The following TSHZ1 variants were observed in gnomAD, a reference collection of about 807,000 sequenced individuals.
TSHZ1 encodes teashirt homolog 1.
In TSHZ1, 12 loss-of-function variants were observed where a neutral mutation model predicts 67.1. The ratio of observed to expected loss-of-function variants is 0.18; its 90% CI spans 0.11 to 0.29. The LOEUF (loss-of-function observed/expected upper bound fraction) is 0.29, where lower values mean the gene tolerates loss of function less well. TSHZ1 is among the 10% of genes least tolerant of loss of function. TSHZ1 has a pLI of 1.00. For missense variants in TSHZ1, 1,305 were observed against 1,413.9 expected, an observed-to-expected ratio of 0.92 and a Z score of 1.23; for synonymous variants, 632 against 622.4, an observed-to-expected ratio of 1.02 and a Z score of -0.23.
chr18:75,259,751 AT>A (rs766637026), intron 1 of TSHZ1, among the ~76,000 whole-genome samples: 1 of 152,226 alleles, frequency 6.6e-6, no homozygotes, highest in Non-Finnish European at 1.5e-5. Flanking sequence ...TGTATAATGT[AT>A]CCCCTGCAAC....
At chr18:75,222,225 C>CTT (rs11365940) in intron 1 of TSHZ1, among the ~76,000 whole-genome samples, 1 of 139,028 alleles carries the variant, frequency 7.2e-6, no homozygotes. Flanking sequence ...AGTTGCCTGA[C>CTT]TTTTTTTTTT....
intron 1 of TSHZ1, among the ~76,000 whole-genome samples, chr18:75,255,672 G>A (rs1330023025): frequency 6.6e-6 from 1 of 152,124 alleles, no homozygotes; most frequent in African/African-American, 2.4e-5. Context: ...ATTGAAGTCC[G>A]GGTTTGAAGA....
At chr18:75,216,661 GGCT>G (rs1262957556) in intron 1 of TSHZ1, among the ~76,000 whole-genome samples, 1 of 152,242 alleles carries the variant, frequency 6.6e-6, no homozygotes, top group Non-Finnish European at 1.5e-5. Flanking sequence ...GTCGTTGGAT[GGCT>G]GCATATGGGT....
chr18:75,241,388 G>A (rs1599035558), intron 1 of TSHZ1, among the ~76,000 whole-genome samples: 2 of 152,182 alleles, frequency 1.3e-5, no homozygotes, highest in Admixed American at 1.3e-4. Flanking sequence ...CTGGGGCCTG[G>A]CTCTCCTGTG....
chr18:75,279,992 A>G (rs1269142643), intron 1 of TSHZ1, among the ~76,000 whole-genome samples: 1 of 152,272 alleles, frequency 6.6e-6, no homozygotes, highest in Non-Finnish European at 1.5e-5. Flanking sequence ...ATTCAATGAT[A>G]AATAACTTGT....
rs997246857 is a variant in TSHZ1 at position 75,210,992 on chromosome 18, T to G, written c.-885T>G. 4.6e-5 allele frequency: 5 copies of G among 108,528 alleles called. No homozygotes were observed. The highest frequency in any genetic ancestry group is 4.6e-4 in the Admixed American group (5 of 10,856). 6.7% of individuals were successfully genotyped at this position (108,528 alleles called of 1,614,324 possible). A position where few individuals can be genotyped will look rare whatever the true frequency, so the allele number is the denominator to read the frequency against. On this transcript the variant is annotated 5_prime_UTR_variant, in exon 1 of 2. Transcript: ENST00000580243. ...ACTCTCCGGGTTGTTGTTGCCTTTTTTTTTTCTTGGAGGGGGGGGTGCTTT... is the reference window on the plus strand; with the variant it reads ...ACTCTCCGGGTTGTTGTTGCCTTTTGTTTTTCTTGGAGGGGGGGGTGCTTT...
At chr18:75,279,308 ATAG>A (rs1161068080) in intron 1 of TSHZ1, among the ~76,000 whole-genome samples, 1 of 152,236 alleles carries the variant, frequency 6.6e-6, no homozygotes. Context: ...CTAAAAGAAC[ATAG>A]TAGAATAGTA....
chr18:75,279,576 G>T (rs1442897073), intron 1 of TSHZ1, among the ~76,000 whole-genome samples: 2 of 152,176 alleles, frequency 1.3e-5, no homozygotes, highest in Middle Eastern at 3.2e-3. Flanking sequence ...GGAGCAGGAG[G>T]ACGGTGGGAG....
intron 1 of TSHZ1, among the ~76,000 whole-genome samples, chr18:75,247,040 A>G (rs997593585): frequency 6.6e-6 from 1 of 152,190 alleles, no homozygotes; most frequent in Non-Finnish European, 1.5e-5. Flanking sequence ...TTTCTGAATA[A>G]TCTTTTTGCT....
Position 75,285,592 on chromosome 18 carries a change from C to A in TSHZ1, c.185C>A (p.Ser62Tyr). 1 of 1,608,374 alleles carries A rather than the reference C, an allele frequency of 6.2e-7. No homozygotes were observed. Among genetic ancestry groups the A allele is most frequent in the Non-Finnish European group, 8.5e-7 (1 of 1,175,766 alleles). The change falls in exon 2 of 2, where the codon TCC becomes TAC. Residue 62 changes from serine (S) to tyrosine (Y), a missense_variant. Physicochemically the swap from Ser to Tyr is moderately radical, Grantham distance 144. Around this residue, in one of 3 missense-constraint regions of TSHZ1, gnomAD observed 358 missense variants for 375.6 expected, o/e 0.95. Coordinates refer to ENST00000580243, the MANE Select transcript of TSHZ1 (RefSeq NM_001308210.2). Reference protein sequence around the residue: ...EIKEAQSYQNSPVSSATNQDA... With the variant: ...EIKEAQSYQNYPVSSATNQDA... Reference sequence around the variant, plus strand: ...AAAGAGGCGCAGAGCTACCAGAACTCCCCAGTCAGCTCTGCGACTAACCAG... The same window carrying A: ...AAAGAGGCGCAGAGCTACCAGAACTACCCAGTCAGCTCTGCGACTAACCAG...
intron 1 of TSHZ1, among the ~76,000 whole-genome samples, chr18:75,274,383 G>C (rs1322611328): frequency 6.6e-6 from 1 of 152,074 alleles, no homozygotes; most frequent in African/African-American, 2.4e-5. Flanking sequence ...CAACGGTGAG[G>C]GTGTAGTGGA....
At chr18:75,242,311 A>G (rs1229770810) in intron 1 of TSHZ1, among the ~76,000 whole-genome samples, 1 of 152,236 alleles carries the variant, frequency 6.6e-6, no homozygotes. Flanking sequence ...TGCTGGCCCC[A>G]CAGTGACACA....
Position 75,238,911 on chromosome 18 carries a change from G to A in TSHZ1, c.40+26995G>A, listed in dbSNP as rs560234429. Among the ~76,000 whole-genome samples the A allele has an allele frequency of 4.6e-5, 7 of 152,332 alleles. No individual in the cohort carries two copies. In the South Asian group the frequency reaches 6.2e-4, roughly 14 times the overall value. On this transcript the variant is annotated intron_variant, in intron 1 of 1. Coordinates refer to ENST00000580243, the MANE Select transcript of TSHZ1 (RefSeq NM_001308210.2). The stretch of plus-strand genomic sequence containing the variant: ...TTCAGTCATTCCTTTAGCCTGGGTC[G>A]TGGGAAGTGGTTGTTTATTCCTGAT...
chr18:75,224,211 T>C (rs2022889235), intron 1 of TSHZ1, among the ~76,000 whole-genome samples: 1 of 152,142 alleles, frequency 6.6e-6, no homozygotes. Flanking sequence ...TTGTGCATTA[T>C]TAAAAGAGAC....
chr18:75,236,794 C>G (rs924276453), intron 1 of TSHZ1, among the ~76,000 whole-genome samples: 1 of 151,982 alleles, frequency 6.6e-6, no homozygotes, highest in Admixed American at 6.6e-5. Flanking sequence ...TCTTATTATT[C>G]TCTTCATTTA....
intron 1 of TSHZ1, among the ~76,000 whole-genome samples, chr18:75,245,746 GTTC>G (rs2023213710): frequency 6.6e-6 from 1 of 152,188 alleles, no homozygotes; most frequent in Non-Finnish European, 1.5e-5. Flanking sequence ...GTCCTGGAGT[GTTC>G]TTCTATTTCT....
chr18:75,213,114 G>T (rs796470303), intron 1 of TSHZ1, among the ~76,000 whole-genome samples: 1 of 152,252 alleles, frequency 6.6e-6, no homozygotes, highest in African/African-American at 2.4e-5. Context: ...GTCTTTATAC[G>T]TGCTTTTTCT....
intron 1 of TSHZ1, among the ~76,000 whole-genome samples, chr18:75,261,375 A>G (rs1277562352): frequency 6.6e-6 from 1 of 152,208 alleles, no homozygotes; most frequent in African/African-American, 2.4e-5. Context: ...CTCTTTACAG[A>G]AAGACATTCT....
At chr18:75,228,434 T>C (rs750124574) in intron 1 of TSHZ1, among the ~76,000 whole-genome samples, 2 of 152,202 alleles carry the variant, frequency 1.3e-5, no homozygotes, top group African/African-American at 2.4e-5. Flanking sequence ...CTCACCATTA[T>C]CAGGGCAGCA....
Sources: gnomAD v4.1 joint callset for allele counts (sites outside exome capture counted in the v4.1 genomes callset) on GRCh38, gnomAD v4.1.1 for gene constraint, gnomAD v4.1.1 regional missense constraint, MANE v1.5 for transcripts, NCBI Gene and HGNC (gene_info 2026-07-23, HGNC 2026-07-21) for gene names.